NCALD: variants seen among roughly 807,000 people sequenced by gnomAD.
NCALD encodes neurocalcin delta, also known as neurocalcin-delta.
Under a neutral mutation model 18.6 loss-of-function variants are expected in NCALD, and 10 were observed. The observed-to-expected ratio is 0.54, with a 90% CI of 0.33 to 0.91. The LOEUF is 0.91. Among genes scored for constraint, NCALD ranks in the 40% least tolerant of loss-of-function variants. The pLI is 0.03. For missense variants in NCALD, 184 were observed against 247.6 expected, an observed-to-expected ratio of 0.74 and a Z score of 1.72; for synonymous variants, 88 against 87.4, an observed-to-expected ratio of 1.01 and a Z score of -0.04.
chr8:101,839,724 T>C (rs146913026), intron 4 of NCALD, among the ~76,000 whole-genome samples: 6 of 152,266 alleles, frequency 3.9e-5, no homozygotes, highest in African/African-American at 1.2e-4. Context: ...TAAAGTCAAA[T>C]GTCTTTAGAA....
intron 3 of NCALD, among the ~76,000 whole-genome samples, chr8:101,907,425 A>G (rs1313435258): frequency 2.0e-5 from 3 of 152,050 alleles, no homozygotes; most frequent in Non-Finnish European, 4.4e-5. Context: ...GGATATGTTA[A>G]AGAGAGAAAT....
At chr8:102,019,375 T>C (rs1822196549) in intron 2 of NCALD, among the ~76,000 whole-genome samples, 1 of 152,134 alleles carries the variant, frequency 6.6e-6, no homozygotes. Context: ...TAGTATCTAC[T>C]AAAGCTGAAC....
At chr8:101,722,094 G>T (rs1816385882) in intron 1 of NCALD, among the ~76,000 whole-genome samples, 1 of 152,098 alleles carries the variant, frequency 6.6e-6, no homozygotes, top group Admixed American at 6.5e-5. Context: ...CTTCCAAATT[G>T]CTGGGATTGC....
At chr8:102,073,968 G>A (rs927421096) in intron 1 of NCALD, among the ~76,000 whole-genome samples, 1 of 152,186 alleles carries the variant, frequency 6.6e-6, no homozygotes, top group Admixed American at 6.5e-5. Flanking sequence ...TAGAGGTTTT[G>A]CAGGACACCA....
chr8:101,776,877 C>A (rs1275514685), intron 1 of NCALD, among the ~76,000 whole-genome samples: 2 of 152,170 alleles, frequency 1.3e-5, no homozygotes, highest in Non-Finnish European at 2.9e-5. Flanking sequence ...AACAAAACAG[C>A]TCTATTTAGA....
chr8:101,690,569 G>T (rs1563654662), intron 3 of NCALD: 1 of 985,338 alleles, frequency 1.0e-6, no homozygotes, highest in East Asian at 1.1e-4. Context: ...TGACAGGAGG[G>T]GGCCTCCCCC....
intron 3 of NCALD, among the ~76,000 whole-genome samples, chr8:101,910,250 G>A (rs1295166653): frequency 6.6e-6 from 1 of 152,076 alleles, no homozygotes; most frequent in Non-Finnish European, 1.5e-5. Context: ...CTGTGGCCCT[G>A]AGCACTGGGC....
rs1817658300 is a variant in NCALD, at chr8:101,907,771, G to A, written c.-107+8038C>T. ...CATGCTTCTCCAGGCAACTTCCAAG[G>A]AGTCATCAACCCATTTGAGAAGCAT... On this transcript the variant is annotated intron_variant, in intron 3 of 6. Transcript: ENST00000311028. Among the ~76,000 whole-genome samples the A allele has an allele frequency of 5.3e-5, 8 of 152,274 alleles. No homozygotes were observed. In the South Asian group the frequency reaches 1.5e-3, roughly 28 times the overall value.
intron 2 of NCALD, among the ~76,000 whole-genome samples, chr8:101,956,513 A>ACGTATT (rs1329186558): frequency 6.6e-6 from 1 of 152,186 alleles, no homozygotes; most frequent in African/African-American, 2.4e-5. Context: ...ATTTTATAGC[A>ACGTATT]ATATAGGTAC....
intron 1 of NCALD, among the ~76,000 whole-genome samples, chr8:101,771,306 A>G (rs1430635561): frequency 6.6e-6 from 1 of 152,210 alleles, no homozygotes; most frequent in Non-Finnish European, 1.5e-5. Context: ...GGTGGGGTGG[A>G]CAAAAATTCC....
intron 1 of NCALD, among the ~76,000 whole-genome samples, chr8:102,047,827 T>G (rs1823302691): frequency 6.6e-6 from 1 of 152,192 alleles, no homozygotes; most frequent in African/African-American, 2.4e-5. Flanking sequence ...TAAAACCAAA[T>G]GTCTCTGTGA....
At chr8:101,810,375 A>G (rs891680410) in intron 4 of NCALD, among the ~76,000 whole-genome samples, 8 of 152,200 alleles carry the variant, frequency 5.3e-5, no homozygotes, top group African/African-American at 1.9e-4. Flanking sequence ...AGTTAGACTG[A>G]AAGAGCTACT....
At chr8:102,070,844 A>G (rs1587015071) in intron 1 of NCALD, among the ~76,000 whole-genome samples, 1 of 152,226 alleles carries the variant, frequency 6.6e-6, no homozygotes, top group Non-Finnish European at 1.5e-5. Context: ...AAAGACCATC[A>G]CCCATTCACA....
intron 4 of NCALD, among the ~76,000 whole-genome samples, chr8:101,810,031 T>C (rs1008979911): frequency 6.6e-6 from 1 of 152,214 alleles, no homozygotes; most frequent in East Asian, 1.9e-4. Flanking sequence ...GTGGTGCCTG[T>C]GTTGACAGTG....
intron 3 of NCALD, among the ~76,000 whole-genome samples, chr8:101,892,881 A>C (rs373879709): frequency 6.7e-6 from 1 of 149,724 alleles, no homozygotes; most frequent in South Asian, 2.1e-4. Flanking sequence ...CCAAATCTAC[A>C]TCTGATTGGT....
intron 1 of NCALD, chr8:102,123,759 C>G (rs1274146137): frequency 2.0e-5 from 3 of 152,490 alleles, no homozygotes; most frequent in African/African-American, 4.8e-5. Flanking sequence ...CCGCACTCGC[C>G]TCCTGTGGCC....
At chr8:101,888,120 A>C (rs1319833553) in intron 3 of NCALD, among the ~76,000 whole-genome samples, 1 of 152,192 alleles carries the variant, frequency 6.6e-6, no homozygotes, top group Non-Finnish European at 1.5e-5. Context: ...CAAATGGCTT[A>C]AACTAGTCAA....
chr8:101,896,708 C>T (rs1344668742), intron 3 of NCALD, among the ~76,000 whole-genome samples: 26 of 146,620 alleles, frequency 1.8e-4, no homozygotes, highest in African/African-American at 5.9e-4. Flanking sequence ...GGGTGAAGGA[C>T]ATGAACAGAC....
In NCALD at chr8:102,050,858, A is replaced by G. The variant is rs1823429292; in HGVS notation, c.-209-30569T>C. 2.1e-5 allele frequency among the ~76,000 whole-genome samples: 3 copies of G among 146,002 alleles called. No homozygotes were observed. In the Admixed American group the frequency reaches 2.1e-4, roughly 10 times the overall value. On this transcript the variant is annotated intron_variant, in intron 1 of 6. Transcript: ENST00000311028. ...TTAATCATTTTTAATTTAATTAATT[A>G]ATTTAATTAATTTTTAATTTAATTG... is the stretch of plus-strand genomic sequence containing the variant.
Sources: allele counts gnomAD v4.1 joint callset (sites outside exome capture counted in the v4.1 genomes callset), GRCh38; gene constraint gnomAD v4.1.1; transcripts MANE v1.5; gene names NCBI Gene and HGNC (gene_info 2026-07-23, HGNC 2026-07-21).